OPCML: variants seen among roughly 807,000 people sequenced by gnomAD.
The protein encoded by OPCML is opioid-binding protein/cell adhesion molecule.
Under a neutral mutation model 37.8 loss-of-function variants are expected in OPCML, and 13 were observed. That is an observed-to-expected ratio of 0.34 (90% confidence interval 0.22 to 0.55). OPCML has a LOEUF of 0.55. Among genes scored for constraint, OPCML ranks in the 20% least tolerant of loss-of-function variants. The probability of loss-of-function intolerance (pLI) is 0.91; values close to 1 mark genes in which losing one functional copy is unlikely to be tolerated. For synonymous variants in OPCML, 176 were observed against 168.8 expected (o/e 1.04, Z -0.33); for missense variants, 341 against 435.6 (o/e 0.78, Z 1.93).
At chr11:133,422,149 T>G in intron 1 of OPCML, 3 of 983,736 alleles carry the variant, frequency 3.0e-6, no homozygotes, top group Non-Finnish European at 2.4e-6. Context: ...CCCGATGTGT[T>G]TGTTTGTTTG....
intron 1 of OPCML, among the ~76,000 whole-genome samples, chr11:133,348,775 C>T (rs566082465): frequency 2.6e-5 from 4 of 152,244 alleles, no homozygotes; most frequent in South Asian, 4.1e-4. Context: ...CAAACCATGT[C>T]GAGGTGAGGT....
chr11:132,499,833 A>G (rs760758845), intron 4 of OPCML, among the ~76,000 whole-genome samples: 6 of 152,242 alleles, frequency 3.9e-5, no homozygotes, highest in Non-Finnish European at 7.3e-5. Flanking sequence ...GGAAGTTAAC[A>G]TCACGGTATG....
At chr11:132,670,603 T>C (rs918266251) in intron 2 of OPCML, among the ~76,000 whole-genome samples, 2 of 152,190 alleles carry the variant, frequency 1.3e-5, no homozygotes, top group Non-Finnish European at 2.9e-5. Context: ...ATAAGAAGTA[T>C]ATAAGTTCCA....
intron 2 of OPCML, among the ~76,000 whole-genome samples, chr11:132,693,727 A>T (rs1006180095): frequency 6.6e-6 from 1 of 152,196 alleles, no homozygotes; most frequent in Non-Finnish European, 1.5e-5. Context: ...GAAGAAGTGG[A>T]GTGGTATAGG....
At chr11:133,001,975 G>A (rs1591899175) in intron 1 of OPCML, among the ~76,000 whole-genome samples, 1 of 152,202 alleles carries the variant, frequency 6.6e-6, no homozygotes, top group South Asian at 2.1e-4. Context: ...GTGACAAGTG[G>A]CTGGAATTGA....
chr11:133,397,615 T>C (rs575693556), intron 1 of OPCML, among the ~76,000 whole-genome samples: 3 of 152,366 alleles, frequency 2.0e-5, no homozygotes, highest in Admixed American at 6.5e-5. Flanking sequence ...TAGTGCCAGC[T>C]AAGGCAAATG....
At position 133,430,966 on chromosome 11, in the gene OPCML, G is replaced by GACT. The variant is rs146900370; in HGVS notation, c.61+101297_61+101298insAGT. The stretch of plus-strand genomic sequence containing the variant: ...CAGATTGGCTTTATTAGTAACTTTA[G>GACT]AAGTTCATGGGTTTCGAACGTTAGT... On this transcript the variant is annotated intron_variant, in intron 1 of 7. Transcript: ENST00000524381. 2.3e-3 allele frequency among the ~76,000 whole-genome samples: 353 copies of GACT among 152,258 alleles called. 14 individuals are homozygous for GACT. In the East Asian group the frequency reaches 0.062, roughly 27 times the overall value.
intron 1 of OPCML, chr11:133,024,332 T>G: frequency 1.0e-6 from 1 of 984,930 alleles, no homozygotes; most frequent in Non-Finnish European, 1.2e-6. Flanking sequence ...GGGAAGGAAG[T>G]GCGTTCTTTA....
intron 1 of OPCML, among the ~76,000 whole-genome samples, chr11:133,156,058 C>T (rs1029495135): frequency 6.6e-6 from 1 of 152,166 alleles, no homozygotes; most frequent in Non-Finnish European, 1.5e-5. Flanking sequence ...ATTGTCTTTG[C>T]CGTTAACGAA....
At chr11:132,640,133 T>G (rs1940763839) in intron 3 of OPCML, among the ~76,000 whole-genome samples, 1 of 152,118 alleles carries the variant, frequency 6.6e-6, no homozygotes, top group African/African-American at 2.4e-5. Flanking sequence ...CTGCCAGCAT[T>G]CCACAGACTT....
intron 1 of OPCML, among the ~76,000 whole-genome samples, chr11:133,247,566 TTCTTTCTTTC>T (rs1345123115): frequency 1.3e-5 from 2 of 149,318 alleles, no homozygotes; most frequent in South Asian, 4.3e-4. Context: ...CTTTCTTTCT[TTCTTTCTTTC>T]TTTCTTTCAT....
chr11:132,711,799 C>G (rs893402011), intron 2 of OPCML, among the ~76,000 whole-genome samples: 1 of 152,188 alleles, frequency 6.6e-6, no homozygotes, highest in Non-Finnish European at 1.5e-5. Flanking sequence ...CTTACATATG[C>G]TATATGTGTG....
intron 2 of OPCML, among the ~76,000 whole-genome samples, chr11:132,665,584 G>A (rs1442236853): frequency 1.3e-5 from 2 of 152,164 alleles, no homozygotes; most frequent in Admixed American, 6.5e-5. Context: ...GAGAGAGGAG[G>A]AGAATTCCTA....
chr11:133,028,165 T>G (rs1057068358), intron 1 of OPCML, among the ~76,000 whole-genome samples: 1 of 152,032 alleles, frequency 6.6e-6, no homozygotes, highest in Admixed American at 6.6e-5. Flanking sequence ...CTTGTCCCTC[T>G]GCAGACTTAG....
At chr11:133,242,350 C>T (rs1940762248) in intron 1 of OPCML, among the ~76,000 whole-genome samples, 1 of 152,180 alleles carries the variant, frequency 6.6e-6, no homozygotes, top group Non-Finnish European at 1.5e-5. Flanking sequence ...GATTTGCACA[C>T]AGGGTATTTG....
intron 2 of OPCML, among the ~76,000 whole-genome samples, chr11:132,658,293 G>C (rs552313012): frequency 6.5e-4 from 99 of 152,334 alleles, no homozygotes; most frequent in African/African-American, 2.2e-3. Flanking sequence ...GGAGGGACTT[G>C]AGTCCAGCAC....
intron 1 of OPCML, chr11:133,423,239 G>C: frequency 1.0e-6 from 1 of 985,320 alleles, no homozygotes; most frequent in Non-Finnish European, 1.2e-6. Context: ...TCATTCTAGA[G>C]TTTTTCTACC....
chr11:133,070,566 A>C (rs1400784716), intron 1 of OPCML, among the ~76,000 whole-genome samples: 2 of 152,190 alleles, frequency 1.3e-5, no homozygotes, highest in Non-Finnish European at 2.9e-5. Flanking sequence ...CTACTTTCAG[A>C]GCCTATGAAG....
intron 3 of OPCML, among the ~76,000 whole-genome samples, chr11:132,605,747 C>T (rs923517664): frequency 6.6e-5 from 10 of 152,132 alleles, no homozygotes; most frequent in African/African-American, 2.2e-4. Context: ...GTCTCCTATC[C>T]TAAATTGAGA....
Sources: gnomAD v4.1 joint callset for allele counts (sites outside exome capture counted in the v4.1 genomes callset) on GRCh38, gnomAD v4.1.1 for gene constraint, MANE v1.5 for transcripts, NCBI Gene and HGNC (gene_info 2026-07-23, HGNC 2026-07-21) for gene names.